The following MYO5B variants were observed in gnomAD, a reference collection of about 807,000 sequenced individuals.
MYO5B encodes myosin VB, also known as unconventional myosin-Vb.
A neutral mutation model predicts 229.3 loss-of-function variants in MYO5B; 143 were observed. The observed-to-expected ratio is 0.62, with a 90% confidence interval of 0.54 to 0.72. The LOEUF is 0.72. MYO5B is among the 30% of genes least tolerant of loss of function. The pLI is 0.00. For synonymous variants in MYO5B, 918 were observed against 885.2 expected (o/e 1.04, Z -0.66); for missense variants, 2,321 against 2,331.0 (o/e 1.00, Z 0.09).
At position 50,165,731 on chromosome 18, in the gene MYO5B, G is replaced by A. The variant is rs376215506; in HGVS notation, c.27+29036C>T. 1.6e-4 allele frequency among the ~76,000 whole-genome samples: 25 copies of A among 152,174 alleles called. No homozygotes were observed. In the East Asian group the frequency reaches 2.3e-3, roughly 14 times the overall value. On this transcript the variant is annotated intron_variant, in intron 1 of 39. Transcript: ENST00000285039. ...GCAGAGGTTGCAGTGAGCTGAGATC[G>A]TGGCATTGCACTCCAGCCTGGGTGC...
intron 1 of MYO5B, among the ~76,000 whole-genome samples, chr18:50,157,141 T>C (rs2032693119): frequency 6.6e-6 from 1 of 151,912 alleles, no homozygotes; most frequent in Non-Finnish European, 1.5e-5. Context: ...AGTCTCGCTC[T>C]GTCGCCCAGG....
At chr18:49,929,114 T>C (rs1355278507) in intron 17 of MYO5B, among the ~76,000 whole-genome samples, 1 of 152,112 alleles carries the variant, frequency 6.6e-6, no homozygotes, top group Non-Finnish European at 1.5e-5. Context: ...AAAAACCTAC[T>C]GAAAAAATTT....
At chr18:49,967,944 C>A (rs913375916) in intron 10 of MYO5B, among the ~76,000 whole-genome samples, 10 of 152,146 alleles carry the variant, frequency 6.6e-5, no homozygotes, top group African/African-American at 2.4e-4. Flanking sequence ...GACCTAAATC[C>A]ACTCAGTTTG....
intron 1 of MYO5B, among the ~76,000 whole-genome samples, chr18:50,074,012 C>T (rs2031020516): frequency 6.6e-6 from 1 of 152,164 alleles, no homozygotes; most frequent in African/African-American, 2.4e-5. Flanking sequence ...TCTCAACCTC[C>T]ACAAACCATG....
chr18:50,071,140 C>A (rs1251512893), intron 1 of MYO5B, among the ~76,000 whole-genome samples: 2 of 152,174 alleles, frequency 1.3e-5, no homozygotes, highest in Non-Finnish European at 2.9e-5. Context: ...TATTTTAAAT[C>A]CTTCCTGAGC....
intron 2 of MYO5B, among the ~76,000 whole-genome samples, chr18:50,048,691 A>C (rs1235386363): frequency 6.6e-6 from 1 of 152,176 alleles, no homozygotes; most frequent in Admixed American, 6.5e-5. Flanking sequence ...TGCTCTGAGA[A>C]GTCAGCAGGA....
At chr18:49,998,759 G>C (rs2026016236) in intron 5 of MYO5B, among the ~76,000 whole-genome samples, 1 of 152,180 alleles carries the variant, frequency 6.6e-6, no homozygotes, top group East Asian at 1.9e-4. Context: ...AAATAAGCCA[G>C]ACACAAAAGG....
intron 1 of MYO5B, among the ~76,000 whole-genome samples, chr18:50,181,188 A>G (rs1470268187): frequency 6.6e-6 from 1 of 152,230 alleles, no homozygotes; most frequent in African/African-American, 2.4e-5. Flanking sequence ...ATGTTCATAC[A>G]CTAAGTTAAT....
chr18:49,863,270 C>G lies in MYO5B; in HGVS notation c.3901G>C (p.Glu1301Gln). Residue 1301 changes from glutamate (E) to glutamine (Q), a missense_variant, in exon 29 of 40, where the codon GAG becomes CAG. Glu to Gln is a conservative substitution (Grantham distance 29). Coordinates refer to ENST00000285039, the MANE Select transcript of MYO5B (RefSeq NM_001080467.3). ...WPNSEKHVDQ[E>Q]DAIEAYHGVC... The stretch of plus-strand genomic sequence containing the variant: ...CCGTGATAGGCCTCAATGGCATCCT[C>G]CTGGTCAACATGCTTTTCACTGTTA... 1 of 1,613,744 alleles carries G rather than the reference C, an allele frequency of 6.2e-7. No homozygotes were observed. Among genetic ancestry groups the G allele is most frequent in the South Asian group, 1.1e-5 (1 of 91,056 alleles).
intron 21 of MYO5B, among the ~76,000 whole-genome samples, chr18:49,900,036 A>G (rs1741283598): frequency 6.6e-6 from 1 of 152,248 alleles, no homozygotes; most frequent in South Asian, 2.1e-4. Flanking sequence ...TTTAGAAATC[A>G]GCAATGCCAA....
chr18:50,000,063 G>A (rs2026029298), intron 5 of MYO5B, among the ~76,000 whole-genome samples: 1 of 152,170 alleles, frequency 6.6e-6, no homozygotes, highest in South Asian at 2.1e-4. Flanking sequence ...TCAAAGTAAC[G>A]CAACTCTGAA....
chr18:49,890,787 T>A (rs2024703469), intron 22 of MYO5B, among the ~76,000 whole-genome samples: 1 of 152,220 alleles, frequency 6.6e-6, no homozygotes, highest in Non-Finnish European at 1.5e-5. Context: ...CCTTTAATTC[T>A]GCAAAATCTT....
chr18:50,052,314 A>G (rs2030415691), intron 2 of MYO5B, among the ~76,000 whole-genome samples: 1 of 151,156 alleles, frequency 6.6e-6, no homozygotes, highest in South Asian at 2.1e-4. Flanking sequence ...CCAAATGTCC[A>G]ACAATGATAG....
intron 9 of MYO5B, among the ~76,000 whole-genome samples, chr18:49,975,633 T>C (rs2025741746): frequency 6.6e-6 from 1 of 152,204 alleles, no homozygotes; most frequent in South Asian, 2.1e-4. Context: ...CATCTTGACC[T>C]GGGAAGATCA....
At chr18:50,173,952 A>G (rs892879844) in intron 1 of MYO5B, among the ~76,000 whole-genome samples, 2 of 152,152 alleles carry the variant, frequency 1.3e-5, no homozygotes, top group African/African-American at 4.8e-5. Context: ...TGTGTCTGCG[A>G]GGGCGTTTCT....
intron 16 of MYO5B, among the ~76,000 whole-genome samples, chr18:49,932,281 C>A (rs568474881): frequency 9.2e-5 from 14 of 152,338 alleles, no homozygotes; most frequent in Non-Finnish European, 1.9e-4. Flanking sequence ...CCTCCCCTCA[C>A]ACAGCACAGC....
Position 50,148,171 on chromosome 18 carries a change from C to T in MYO5B, c.27+46596G>A, listed in dbSNP as rs111725006. 6.4e-3 allele frequency among the ~76,000 whole-genome samples: 966 copies of T among 151,450 alleles called. 6 individuals carry two copies. Among genetic ancestry groups the T allele is most frequent in the African/African-American group, 0.022 (911 of 41,186 alleles). On this transcript the variant is annotated intron_variant, in intron 1 of 39. Coordinates refer to ENST00000285039, the MANE Select transcript of MYO5B (RefSeq NM_001080467.3). ...TCTCTGAATAGACCAATAACAGAAG[C>T]TGAAATTGTGGCAATAATCAATAGC... is the stretch of plus-strand genomic sequence containing the variant.
intron 27 of MYO5B, 24 bp downstream of exon 27, chr18:49,872,143 A>T (rs1208205432): frequency 6.2e-7 from 1 of 1,612,032 alleles, no homozygotes; most frequent in African/African-American, 1.3e-5. Context: ...GTGTTCCAGG[A>T]AGCCTGTCCC....
chr18:50,063,603 C>G (rs1255545753), intron 1 of MYO5B, among the ~76,000 whole-genome samples: 1 of 152,166 alleles, frequency 6.6e-6, no homozygotes, highest in Non-Finnish European at 1.5e-5. Context: ...GAAAGAGTCG[C>G]TCTGATGCGG....
Sources: allele counts gnomAD v4.1 joint callset (sites outside exome capture counted in the v4.1 genomes callset), GRCh38; gene constraint gnomAD v4.1.1; transcripts MANE v1.5; gene names NCBI Gene and HGNC (gene_info 2026-07-23, HGNC 2026-07-21).